TTC7B: variants seen among roughly 807,000 people sequenced by gnomAD.
TTC7B encodes tetratricopeptide repeat domain 7B.
Under a neutral mutation model 106.8 loss-of-function variants are expected in TTC7B, and 28 were observed. That is an observed-to-expected ratio of 0.26 (90% CI 0.19 to 0.36). TTC7B has a LOEUF of 0.36. Ranked by LOEUF, TTC7B falls within the 10% of genes least tolerant of loss-of-function variation. The probability of loss-of-function intolerance (pLI) is 1.00; values close to 1 mark genes in which losing one functional copy is unlikely to be tolerated. For missense variants in TTC7B, 862 were observed against 1,076.4 expected, an observed-to-expected ratio of 0.80 and a Z score of 2.79; for synonymous variants, 405 against 430.6, an observed-to-expected ratio of 0.94 and a Z score of 0.74.
intron 1 of TTC7B, among the ~76,000 whole-genome samples, chr14:90,798,852 T>C (rs1287596638): frequency 2.0e-5 from 3 of 151,914 alleles, no homozygotes; most frequent in East Asian, 1.9e-4. Flanking sequence ...ATGGACACGA[T>C]GTAGGAGGCT....
At chr14:90,559,375 T>A (rs902458265) in intron 19 of TTC7B, among the ~76,000 whole-genome samples, 3 of 152,220 alleles carry the variant, frequency 2.0e-5, no homozygotes, top group African/African-American at 7.2e-5. Context: ...GCGAATGCAG[T>A]GGCGGTTCTG....
chr14:90,531,652 T>C lies in TTC7B; in HGVS notation c.*9716A>G, dbSNP rs993563250. ...AAAAAAAAAAAAAAAAAGCCGTGGG[T>C]GAACTGGCTTCATTTCTATACAGGA... On this transcript the variant is annotated 3_prime_UTR_variant, in exon 20 of 20. Coordinates refer to ENST00000328459, the MANE Select transcript of TTC7B (RefSeq NM_001010854.2). 1.6e-5 allele frequency: 2 copies of C among 124,182 alleles called. No homozygotes were observed. The highest frequency in any genetic ancestry group is 6.1e-5 in the African/African-American group (2 of 32,810). The allele number at this position is 124,182 out of a possible 1,614,324, so 7.7% of individuals were successfully genotyped here. A position where few individuals can be genotyped will look rare whatever the true frequency, so the allele number is the denominator to read the frequency against.
At chr14:90,708,432 T>C (rs568481329) in intron 5 of TTC7B, among the ~76,000 whole-genome samples, 3 of 152,296 alleles carry the variant, frequency 2.0e-5, no homozygotes, top group African/African-American at 7.2e-5. Flanking sequence ...CCAATGCTCA[T>C]TTACCATTTT....
At chr14:90,722,415 C>A (rs1888932416) in intron 5 of TTC7B, among the ~76,000 whole-genome samples, 1 of 152,174 alleles carries the variant, frequency 6.6e-6, no homozygotes, top group Non-Finnish European at 1.5e-5. Context: ...AAATGAACTA[C>A]CCTGTTCTTG....
rs944741346 is a variant in TTC7B at position 90,527,560 on chromosome 14, C to CT, written c.*13807dup. 5,302 of 139,242 alleles carry CT rather than the reference C, an allele frequency of 0.038. 308 individuals carry two copies. The highest frequency in any genetic ancestry group is 0.12 in the African/African-American group (4,621 of 37,422). 8.6% of individuals were successfully genotyped at this position (139,242 alleles called of 1,614,324 possible). On this transcript the variant is annotated 3_prime_UTR_variant, in exon 20 of 20. Coordinates refer to ENST00000328459, the MANE Select transcript of TTC7B (RefSeq NM_001010854.2). ...GAGATCCAGAGGGAGATGTGACTCA[C>CT]TTTTTTTTTTTTTTTTTGAGATGGA...
At chr14:90,564,717 T>C (rs894911423) in intron 19 of TTC7B, among the ~76,000 whole-genome samples, 2 of 152,074 alleles carry the variant, frequency 1.3e-5, no homozygotes, top group African/African-American at 4.8e-5. Flanking sequence ...GAGACCAGCA[T>C]GGGAAACATA....
At position 90,539,972 on chromosome 14, in the gene TTC7B, G is replaced by C. The variant is rs1566758141; in HGVS notation, c.*1396C>G. ...GACCCTCTGTGGCCCATGAGTGCAG[G>C]AGGCTGCTTGGGCAGGACTGAATTG... On this transcript the variant is annotated 3_prime_UTR_variant, in exon 20 of 20. Transcript: ENST00000328459. The C allele has an allele frequency of 1.3e-5, 2 of 152,328 alleles. No individual in the cohort carries two copies. The highest frequency in any genetic ancestry group is 2.9e-5 in the Non-Finnish European group (2 of 68,102). The allele number at this position is 152,328 out of a possible 1,614,324, so 9.4% of individuals were successfully genotyped here.
At chr14:90,692,387 T>C (rs912782393) in intron 6 of TTC7B, among the ~76,000 whole-genome samples, 1 of 152,234 alleles carries the variant, frequency 6.6e-6, no homozygotes, top group African/African-American at 2.4e-5. Context: ...TCACACCAGA[T>C]AGAGTTTACA....
At chr14:90,728,506 AG>A (rs1291345559) in intron 5 of TTC7B, among the ~76,000 whole-genome samples, 1 of 152,150 alleles carries the variant, frequency 6.6e-6, no homozygotes, top group Non-Finnish European at 1.5e-5. Flanking sequence ...ACTCGAATAA[AG>A]TAAAATAAAA....
At chr14:90,610,606 T>G in intron 17 of TTC7B, 136 bp downstream of exon 17, 1 of 673,740 alleles carries the variant, frequency 1.5e-6, no homozygotes. Flanking sequence ...GCAATGCACC[T>G]CGGTTGAGTG....
intron 4 of TTC7B, among the ~76,000 whole-genome samples, chr14:90,736,235 A>G (rs901894280): frequency 1.3e-5 from 2 of 152,038 alleles, no homozygotes; most frequent in Admixed American, 1.3e-4. Flanking sequence ...GTTTGTTTTT[A>G]AAGGTTTCTC....
At chr14:90,698,339 T>C (rs554775454) in intron 5 of TTC7B, 1 of 152,334 alleles carries the variant, frequency 6.6e-6, no homozygotes, top group Admixed American at 6.5e-5. Flanking sequence ...ACCCACACGA[T>C]TGCTTTCATA....
intron 8 of TTC7B, among the ~76,000 whole-genome samples, chr14:90,678,048 T>C (rs1886910588): frequency 6.6e-6 from 1 of 152,222 alleles, no homozygotes; most frequent in Non-Finnish European, 1.5e-5. Flanking sequence ...ATATGTTCCA[T>C]ACTGAGACCA....
chr14:90,640,376 G>A (rs547872131), intron 15 of TTC7B, among the ~76,000 whole-genome samples: 5 of 152,226 alleles, frequency 3.3e-5, no homozygotes, highest in Non-Finnish European at 5.9e-5. Context: ...TAACCTGTCA[G>A]GTGACAGGCA....
intron 7 of TTC7B, among the ~76,000 whole-genome samples, chr14:90,684,653 T>C (rs985582405): frequency 1.3e-5 from 2 of 152,136 alleles, no homozygotes; most frequent in African/African-American, 4.8e-5. Context: ...ATTCCATGTA[T>C]ATAAATTTCA....
intron 3 of TTC7B, among the ~76,000 whole-genome samples, chr14:90,774,802 G>T (rs1190235930): frequency 6.6e-6 from 1 of 152,246 alleles, no homozygotes; most frequent in Non-Finnish European, 1.5e-5. Context: ...CACTTTGGGA[G>T]GCCGAGGCGG....
intron 6 of TTC7B, among the ~76,000 whole-genome samples, chr14:90,693,706 T>C (rs1173447869): frequency 2.6e-5 from 4 of 152,110 alleles, no homozygotes; most frequent in Admixed American, 2.6e-4. Context: ...AAAAAGATAA[T>C]AACAACTGTT....
intron 3 of TTC7B, among the ~76,000 whole-genome samples, chr14:90,763,775 G>GAATA (rs1222063925): frequency 6.6e-6 from 1 of 151,954 alleles, no homozygotes; most frequent in African/African-American, 2.4e-5. Flanking sequence ...AGAACTCTTA[G>GAATA]AATAAATTTA....
At chr14:90,630,635 A>T (rs1166282188) in intron 15 of TTC7B, among the ~76,000 whole-genome samples, 1 of 152,186 alleles carries the variant, frequency 6.6e-6, no homozygotes, top group Non-Finnish European at 1.5e-5. Context: ...CCCACTGAAC[A>T]ATAGCTTCCC....
Sources: gnomAD v4.1 joint callset for allele counts (sites outside exome capture counted in the v4.1 genomes callset) on GRCh38, gnomAD v4.1.1 for gene constraint, MANE v1.5 for transcripts, NCBI Gene and HGNC (gene_info 2026-07-23, HGNC 2026-07-21) for gene names.